The following ANK3 variants were observed in gnomAD, a reference collection of about 807,000 sequenced individuals.
The protein encoded by ANK3 is ankyrin-3.
Under a neutral mutation model 370.9 loss-of-function variants are expected in ANK3, and 57 were observed. That is an observed-to-expected ratio of 0.15 (90% CI 0.12 to 0.19). The LOEUF is 0.19. Among genes scored for constraint, ANK3 ranks in the 10% least tolerant of loss-of-function variants. The pLI, the probability that ANK3 is intolerant of heterozygous loss-of-function variation, is 1.00. For missense variants in ANK3, 4,439 were observed against 5,302.1 expected (o/e 0.84, Z 5.06); for synonymous variants, 1,929 against 1,946.3 (o/e 0.99, Z 0.23).
chr10:60,140,858 G>A (rs901084593), intron 23 of ANK3: 1 of 988,768 alleles, frequency 1.0e-6, no homozygotes, highest in Admixed American at 6.1e-5. Flanking sequence ...TGTAGGGAGA[G>A]AGCGAAGTGC....
At chr10:60,551,134 A>G (rs1202934776) in intron 2 of ANK3, among the ~76,000 whole-genome samples, 1 of 152,112 alleles carries the variant, frequency 6.6e-6, no homozygotes, top group Non-Finnish European at 1.5e-5. Flanking sequence ...TGCTTTTTCA[A>G]TATAACAGGA....
intron 1 of ANK3, among the ~76,000 whole-genome samples, chr10:60,731,728 G>T (rs1424790599): frequency 6.6e-6 from 1 of 152,212 alleles, no homozygotes; most frequent in Admixed American, 6.5e-5. Context: ...TGCCTGAACT[G>T]CTAAAGCAGC....
chr10:60,036,368 G>GCTTA (rs2074963656), intron 43 of ANK3, among the ~76,000 whole-genome samples: 1 of 147,812 alleles, frequency 6.8e-6, no homozygotes, highest in African/African-American at 2.5e-5. Context: ...CTTATTGAGT[G>GCTTA]CTTACTAAGG....
In ANK3 at chr10:60,068,773, C is replaced by T. The variant is rs763160108; in HGVS notation, c.12108G>A (p.Thr4036=). 28 of 1,614,220 alleles carry T rather than the reference C, an allele frequency of 1.7e-5. No individual in the cohort carries two copies. Among genetic ancestry groups the T allele is most frequent in the South Asian group, 8.8e-5 (8 of 91,086 alleles). The change falls in exon 37 of 44, where the codon ACG becomes ACA. Residue 4036 remains threonine (T), a synonymous_variant. Transcript: ENST00000280772. ...SDEEESTSRN[T]SLSETSRGGQ... ...CACCCCGGGAAGTCTCGGACAACGA[C>T]GTGTTTCTTGAGGTACTTTCTTCCT... is the stretch of plus-strand genomic sequence containing the variant.
chr10:60,063,781 T>C (rs546568235), intron 39 of ANK3, among the ~76,000 whole-genome samples: 2 of 152,212 alleles, frequency 1.3e-5, no homozygotes, highest in Non-Finnish European at 2.9e-5. Context: ...AATATGATCC[T>C]GTCTTCCCTC....
chr10:60,121,574 C>T (rs917603056), intron 25 of ANK3, among the ~76,000 whole-genome samples: 1 of 151,608 alleles, frequency 6.6e-6, no homozygotes, highest in African/African-American at 2.4e-5. Context: ...TGCCTGTAGT[C>T]CCAGCTACTT....
At chr10:60,336,640 G>A (rs544436416) in intron 1 of ANK3, among the ~76,000 whole-genome samples, 41 of 152,188 alleles carry the variant, frequency 2.7e-4, no homozygotes, top group Non-Finnish European at 5.0e-4. Flanking sequence ...TTTCTAAAAT[G>A]AATGTGCATT....
chr10:60,616,870 T>C (rs2078274953), intron 1 of ANK3, among the ~76,000 whole-genome samples: 1 of 152,178 alleles, frequency 6.6e-6, no homozygotes, highest in South Asian at 2.1e-4. Flanking sequence ...AGCATTTTCA[T>C]AAAATGCTTT....
At chr10:60,218,998 G>T (rs1293053977) in intron 8 of ANK3, among the ~76,000 whole-genome samples, 1 of 151,126 alleles carries the variant, frequency 6.6e-6, no homozygotes, top group Non-Finnish European at 1.5e-5. Context: ...TTTTACTCTA[G>T]TCTTGTCTGC....
chr10:60,066,115 G>C (rs542178151), intron 38 of ANK3, among the ~76,000 whole-genome samples: 2 of 152,196 alleles, frequency 1.3e-5, no homozygotes, highest in African/African-American at 2.4e-5. Context: ...TCTAGTTAGA[G>C]AAGTTAATTA....
intron 2 of ANK3, among the ~76,000 whole-genome samples, chr10:60,459,139 T>C (rs971786395): frequency 3.9e-5 from 6 of 152,246 alleles, no homozygotes; most frequent in African/African-American, 1.4e-4. Context: ...GGAACAAATA[T>C]ATTCCGTTTC....
At chr10:60,612,244 C>A (rs899927255) in intron 2 of ANK3, among the ~76,000 whole-genome samples, 2 of 152,084 alleles carry the variant, frequency 1.3e-5, no homozygotes, top group African/African-American at 4.8e-5. Context: ...GCTCTCACAT[C>A]TGAAATGGAC....
At position 60,064,230 on chromosome 10, in the gene ANK3, A is replaced by AT; in HGVS notation, c.12377dup (p.Asn4126LysfsTer27). 6.3e-7 allele frequency: 1 copy of AT among 1,582,260 alleles called. No individual in the cohort carries two copies. The highest frequency in any genetic ancestry group is 8.5e-7 in the Non-Finnish European group (1 of 1,170,916). On this transcript the variant is annotated frameshift_variant, in exon 39 of 44. Coordinates refer to ENST00000280772, the MANE Select transcript of ANK3 (RefSeq NM_020987.5). LOFTEE classifies it high-confidence loss of function. ...AGCTCTGAGAAATTAAAGAATTTGG[A>AT]TTTTCCACACGTATTTGATTGATTT...
chr10:60,620,082 A>G (rs1348622698), intron 1 of ANK3, among the ~76,000 whole-genome samples: 1 of 152,222 alleles, frequency 6.6e-6, no homozygotes, highest in African/African-American at 2.4e-5. Context: ...TGCTAAATTA[A>G]AAAGATTGAA....
chr10:60,390,136 A>G (rs1294411508), upstream of ANK3, among the ~76,000 whole-genome samples: 1 of 152,214 alleles, frequency 6.6e-6, no homozygotes, highest in Non-Finnish European at 1.5e-5. Flanking sequence ...GATTTCAAAA[A>G]ACACACTAAA....
intron 23 of ANK3, chr10:60,145,957 G>T: frequency 1.3e-6 from 1 of 792,934 alleles, no homozygotes; most frequent in Non-Finnish European, 2.1e-6. Flanking sequence ...GCAAAGAGGA[G>T]GGAGACTTAC....
chr10:60,206,767 T>C (rs1393252594), intron 10 of ANK3, among the ~76,000 whole-genome samples: 1 of 152,268 alleles, frequency 6.6e-6, no homozygotes, highest in Admixed American at 6.5e-5. Context: ...TAATAAATTA[T>C]GTCCTAAGTT....
rs1456082670 is a variant in ANK3, at chr10:60,055,548, T to C, written c.13065+110A>G. On this transcript the variant is annotated intron_variant, in intron 42 of 43. Transcript: ENST00000280772. Reference sequence around the variant, plus strand: ...GTGCTACAATTTCACACATTTATAATTTAGAAATCGTAAAAAACCTTGGGC... The same window carrying C: ...GTGCTACAATTTCACACATTTATAACTTAGAAATCGTAAAAAACCTTGGGC... 1.5e-5 allele frequency: 20 copies of C among 1,361,024 alleles called. No individual in the cohort carries two copies. In the East Asian group the frequency reaches 4.6e-4, roughly 31 times the overall value. 84.3% of individuals were successfully genotyped at this position (1,361,024 alleles called of 1,614,324 possible).
At chr10:60,109,457 G>T (rs1340406712) in intron 26 of ANK3, among the ~76,000 whole-genome samples, 1 of 152,110 alleles carries the variant, frequency 6.6e-6, no homozygotes, top group East Asian at 1.9e-4. Flanking sequence ...CTGCCATATG[G>T]TCTCTTACAA....
Sources: allele counts gnomAD v4.1 joint callset (sites outside exome capture counted in the v4.1 genomes callset), GRCh38; gene constraint gnomAD v4.1.1; transcripts MANE v1.5; gene names NCBI Gene and HGNC (gene_info 2026-07-23, HGNC 2026-07-21).